Variants in PSTPIP1 observed in about 807,000 individuals in gnomAD.
The protein encoded by PSTPIP1 is proline-serine-threonine phosphatase interacting protein 1, also known as proline-serine-threonine phosphatase-interacting protein 1.
A neutral mutation model predicts 69.6 loss-of-function variants in PSTPIP1; 66 were observed. The observed-to-expected ratio is 0.95, with a 90% CI of 0.78 to 1.16. The LOEUF (loss-of-function observed/expected upper bound fraction) is 1.16, where lower values mean the gene tolerates loss of function less well. Among genes scored for constraint, PSTPIP1 ranks in the 50% most tolerant of loss-of-function variants. The pLI, the probability that PSTPIP1 is intolerant of heterozygous loss-of-function variation, is 0.00. For synonymous variants in PSTPIP1, 266 were observed against 222.7 expected, an observed-to-expected ratio of 1.19 and a Z score of -1.73; for missense variants, 603 against 557.4, an observed-to-expected ratio of 1.08 and a Z score of -0.82.
intron 1 of PSTPIP1, among the ~76,000 whole-genome samples, chr15:77,004,888 C>G (rs2075785596): frequency 6.6e-6 from 1 of 150,762 alleles, no homozygotes. Context: ...ACAAAAAAAA[C>G]AAAGAAAGAA....
chr15:77,031,305 G>A, intron 10 of PSTPIP1, 27 bp downstream of exon 10: 1 of 1,605,770 alleles, frequency 6.2e-7, no homozygotes, highest in Non-Finnish European at 8.5e-7. Flanking sequence ...TTGGTGTGGG[G>A]TAAGGTAGGG....
In PSTPIP1 at chr15:77,036,925, C is replaced by T. The variant is rs544344574; in HGVS notation, c.1120-120C>T. On this transcript the variant is annotated intron_variant, in intron 14 of 14. Coordinates refer to ENST00000558012, the MANE Select transcript of PSTPIP1 (RefSeq NM_003978.5). Reference sequence around the variant, plus strand: ...CCATCCTGTGTCCCCAAGGGGCTGCCCCTGCCCACCCTGGGAGACATGCCG... The same window carrying T: ...CCATCCTGTGTCCCCAAGGGGCTGCTCCTGCCCACCCTGGGAGACATGCCG... The T allele has an allele frequency of 1.3e-4, 183 of 1,386,104 alleles. No individual in the cohort carries two copies. In the African/African-American group the frequency reaches 2.5e-3, roughly 19 times the overall value. 85.9% of individuals were successfully genotyped at this position (1,386,104 alleles called of 1,614,324 possible). A position where few individuals can be genotyped will look rare whatever the true frequency, so the allele number is the denominator to read the frequency against.
chr15:77,025,760 G>A (rs1367825938), intron 5 of PSTPIP1, among the ~76,000 whole-genome samples, 156 bp downstream of exon 5: 1 of 152,176 alleles, frequency 6.6e-6, no homozygotes, highest in Non-Finnish European at 1.5e-5. Flanking sequence ...AGGGTGATCT[G>A]AAGTGGGTAG....
At position 77,024,687 on chromosome 15, in the gene PSTPIP1, G is replaced by A. The variant is rs563241284; in HGVS notation, c.213-597G>A. Among the ~76,000 whole-genome samples, 9 of 152,036 alleles carry A rather than the reference G, an allele frequency of 5.9e-5. No homozygotes were observed. In the East Asian group the frequency reaches 1.5e-3, roughly 26 times the overall value. Reference sequence around the variant, plus strand: ...TTATGTGTTCATTCTGGCAGCCCCCGCCCATCATTCCCTGCCTCCTATGCG... The same window carrying A: ...TTATGTGTTCATTCTGGCAGCCCCCACCCATCATTCCCTGCCTCCTATGCG... On this transcript the variant is annotated intron_variant, in intron 3 of 14. Transcript: ENST00000558012.
At chr15:77,026,322 G>A in intron 5 of PSTPIP1, 1 of 412,550 alleles carries the variant, frequency 2.4e-6, no homozygotes, top group Non-Finnish European at 4.9e-6. Context: ...CAGGGCCTTA[G>A]TGATGAGGGT....
Position 77,032,366 on chromosome 15 carries a change from G to A in PSTPIP1, c.810G>A (p.Gln270=), listed in dbSNP as rs776027050. ...ACGCCGACATCGACAGTTTCATCCAGGCCAAGAGCACGGGCACAGAGCCCC... is the reference window on the plus strand; with the variant it reads ...ACGCCGACATCGACAGTTTCATCCAAGCCAAGAGCACGGGCACAGAGCCCC... The part of the protein sequence containing the change: ...SIDADIDSFI[Q]AKSTGTEPPA... The change falls in exon 11 of 15, where the codon CAG becomes CAA. Residue 270 remains glutamine (Q), a synonymous_variant. Coordinates refer to ENST00000558012, the MANE Select transcript of PSTPIP1 (RefSeq NM_003978.5). 6.2e-7 allele frequency: 1 copy of A among 1,612,592 alleles called. No homozygotes were observed. Among genetic ancestry groups the A allele is most frequent in the African/African-American group, 1.3e-5 (1 of 74,942 alleles).
chr15:77,001,531 G>A (rs981894884), intron 1 of PSTPIP1, among the ~76,000 whole-genome samples: 9 of 152,372 alleles, frequency 5.9e-5, no homozygotes, highest in African/African-American at 1.7e-4. Context: ...TGGCCCTGGT[G>A]CACTCAGAGC....
chr15:77,006,249 T>C (rs2075814309), intron 1 of PSTPIP1, among the ~76,000 whole-genome samples: 1 of 152,226 alleles, frequency 6.6e-6, no homozygotes, highest in Admixed American at 6.5e-5. Context: ...ATGTGTTTAT[T>C]GGCCATTTGT....
chr15:77,008,003 C>T (rs2075852112), intron 1 of PSTPIP1: 2 of 456,228 alleles, frequency 4.4e-6, no homozygotes, highest in African/African-American at 2.0e-5. Context: ...GCCCACTCTC[C>T]TAGGCATCAG....
chr15:77,035,427 T>G (rs1485865426), intron 12 of PSTPIP1, 81 bp from the exon 13 acceptor site: 12 of 1,424,294 alleles, frequency 8.4e-6, no homozygotes, highest in Non-Finnish European at 1.2e-5. Flanking sequence ...CTCTGAGACC[T>G]CTCCCTGTCT....
chr15:77,008,455 G>T (rs981849479), intron 1 of PSTPIP1, among the ~76,000 whole-genome samples: 1 of 152,144 alleles, frequency 6.6e-6, no homozygotes, highest in African/African-American at 2.4e-5. Flanking sequence ...TGTTGACCAG[G>T]CTGGAGTGCA....
intron 14 of PSTPIP1, 123 bp downstream of exon 14, chr15:77,036,058 T>TC: frequency 7.6e-7 from 1 of 1,320,628 alleles, no homozygotes; most frequent in Non-Finnish European, 1.0e-6. Context: ...GAGCATCCTC[T>TC]CCTCCTCAGG....
chr15:77,024,213 C>T (rs976578793), intron 3 of PSTPIP1: 1 of 152,236 alleles, frequency 6.6e-6, no homozygotes, highest in Admixed American at 6.5e-5. Context: ...GTATTTCTAA[C>T]AGGCTCCGCG....
At chr15:77,008,860 G>A (rs1252758028) in intron 1 of PSTPIP1, among the ~76,000 whole-genome samples, 7 of 152,140 alleles carry the variant, frequency 4.6e-5, no homozygotes, top group African/African-American at 1.2e-4. Context: ...TCCACCATGC[G>A]GCTGTGTGTA....
Position 77,028,595 on chromosome 15 carries a change from CGCGGAG to C in PSTPIP1, c.460_465del (p.Ala154_Glu155del). Reference sequence around the variant, plus strand: ...AGCAGAAGTGCCGGGACGCGGACGACGCGGAGCAGGCCTTCGAGCGCATTAGCGCCA... The same window carrying C: ...AGCAGAAGTGCCGGGACGCGGACGACCAGGCCTTCGAGCGCATTAGCGCCA... On this transcript the variant is annotated inframe_deletion, in exon 7 of 15. Transcript: ENST00000558012. 6.2e-7 allele frequency: 1 copy of C among 1,603,172 alleles called. No homozygotes were observed. The highest frequency in any genetic ancestry group is 2.3e-5 in the East Asian group (1 of 44,270).
Position 77,027,880 on chromosome 15 carries a change from A to G in PSTPIP1, c.383A>G (p.Lys128Arg), listed in dbSNP as rs753419917. ...GAGGCCGTCATGGACCGGGTCCAGAAGAGCAAGCTGTCGCTCTACAAGAAG... is the reference window on the plus strand; with the variant it reads ...GAGGCCGTCATGGACCGGGTCCAGAGGAGCAAGCTGTCGCTCTACAAGAAG... ...KYEAVMDRVQ[K>R]SKLSLYKKAM... is the part of the protein sequence containing the mutation. Residue 128 changes from lysine (K) to arginine (R), a missense_variant, in exon 6 of 15, where the codon AAG becomes AGG. By Grantham distance (26) the Lys-to-Arg change is conservative. Coordinates refer to ENST00000558012, the MANE Select transcript of PSTPIP1 (RefSeq NM_003978.5). This position sits in a 1 kb window ranked among gnomAD's most constrained non-coding sequence, Gnocchi z 4.3. 4 of 1,570,722 alleles carry G rather than the reference A, an allele frequency of 2.5e-6. No homozygotes were observed. The East Asian group carries it at 9.5e-5, about 37-fold the overall frequency.
chr15:77,012,485 C>T (rs1405584371), intron 1 of PSTPIP1, among the ~76,000 whole-genome samples: 2 of 150,662 alleles, frequency 1.3e-5, no homozygotes, highest in Non-Finnish European at 3.0e-5. Context: ...ACCCATCCAC[C>T]CATCCATCCA....
intron 3 of PSTPIP1, chr15:77,024,550 T>C (rs956157941): frequency 6.6e-6 from 1 of 152,190 alleles, no homozygotes; most frequent in African/African-American, 2.4e-5. Flanking sequence ...GAATTTCAGA[T>C]AAACAACAAA....
intron 1 of PSTPIP1, among the ~76,000 whole-genome samples, chr15:77,013,157 C>G (rs1341328295): frequency 5.3e-5 from 8 of 152,212 alleles, no homozygotes; most frequent in Non-Finnish European, 1.2e-4. Flanking sequence ...CTCCGTGCAG[C>G]TACCTTCCAA....
Sources: allele counts gnomAD v4.1 joint callset (sites outside exome capture counted in the v4.1 genomes callset), GRCh38; gene constraint gnomAD v4.1.1; non-coding constraint Gnocchi (gnomAD v3.1); transcripts MANE v1.5; gene names NCBI Gene and HGNC (gene_info 2026-07-23, HGNC 2026-07-21).